GALR1: variants seen among roughly 807,000 people sequenced by gnomAD.
GALR1 encodes the protein galanin receptor 1, also known as galanin receptor type 1.
GALR1 carries 11 observed loss-of-function variants against 17.9 expected under a neutral mutation model. That is an observed-to-expected ratio of 0.62 (90% CI 0.39 to 1.02). The LOEUF (loss-of-function observed/expected upper bound fraction) is 1.02. Among genes scored for constraint, GALR1 ranks in the 50% least tolerant of loss-of-function variants. The pLI, the probability that GALR1 is intolerant of heterozygous loss-of-function variation, is 0.01. For missense variants in GALR1, 441 were observed against 456.9 expected (o/e 0.97, Z 0.32); for synonymous variants, 206 against 205.7 (o/e 1.00, Z -0.01).
chr18:77,251,223 C>G lies in GALR1; in HGVS notation c.666+9C>G, dbSNP rs754132811. 1 of 1,587,884 alleles carries G rather than the reference C, an allele frequency of 6.3e-7. No homozygotes were observed. Among genetic ancestry groups the G allele is most frequent in the East Asian group, 2.3e-5 (1 of 44,176 alleles). ...GCTTCTGCTATGCCAAGGTGCACGCCGGTCGCGGGGCCGAGACGCGCGAGG... is the reference window on the plus strand; with the variant it reads ...GCTTCTGCTATGCCAAGGTGCACGCGGGTCGCGGGGCCGAGACGCGCGAGG... On this transcript the variant is annotated intron_variant, in intron 1 of 2. Transcript: ENST00000299727.
At position 77,268,873 on chromosome 18, in the gene GALR1, C is replaced by G. The variant is rs113010483; in HGVS notation, c.1021C>G (p.Pro341Ala). The G allele has an allele frequency of 1.2e-6, 2 of 1,612,452 alleles. No homozygotes were observed. The highest frequency in any genetic ancestry group is 1.7e-6 in the Non-Finnish European group (2 of 1,178,660). Residue 341 changes from proline to alanine, a missense_variant, in exon 3 of 3, where the codon CCA becomes GCA. Pro to Ala is a conservative substitution (Grantham distance 27, BLOSUM62 -1). Coordinates refer to ENST00000299727, the MANE Select transcript of GALR1 (RefSeq NM_001480.4). ...TKESKSRIDT[P>A]PSTNCTHV The stretch of plus-strand genomic sequence containing the variant: ...AGAAAGTAAAAGTCGAATAGACACC[C>G]CACCATCAACCAATTGTACTCATGT...
At chr18:77,257,059 TC>T (rs1314892465) in intron 2 of GALR1, among the ~76,000 whole-genome samples, 1 of 152,234 alleles carries the variant, frequency 6.6e-6, no homozygotes, top group Non-Finnish European at 1.5e-5. Context: ...CCTTGTTTTT[TC>T]CTTATATTTA....
chr18:77,267,542 C>G (rs76347172), intron 2 of GALR1, among the ~76,000 whole-genome samples: 1 of 152,182 alleles, frequency 6.6e-6, no homozygotes, highest in Non-Finnish European at 1.5e-5. Flanking sequence ...GTGACCATCG[C>G]GGCACTAGAG....
At position 77,268,774 on chromosome 18, in the gene GALR1, G is replaced by A; in HGVS notation, c.922G>A (p.Glu308Lys). The A allele has an allele frequency of 9.3e-6, 15 of 1,614,070 alleles. No individual in the cohort carries two copies. The highest frequency in any genetic ancestry group is 1.3e-5 in the Non-Finnish European group (15 of 1,179,996). Residue 308 changes from glutamate to lysine, a missense_variant, in exon 3 of 3, where the codon GAA becomes AAA. Transcript: ENST00000299727. ...TCCTATCATTTATGCATTTCTCTCT[G>A]AAAATTTCAGGAAGGCCTATAAACA... ...VNPIIYAFLS[E>K]NFRKAYKQVF...
intron 2 of GALR1, among the ~76,000 whole-genome samples, chr18:77,258,799 GGTGGTGGTGGTCATA>G (rs1321745674): frequency 2.0e-4 from 28 of 140,112 alleles, no homozygotes; most frequent in Admixed American, 6.3e-4. Context: ...TGGTGGTGAT[GGTGGTGGTGGTCATA>G]GTGGTGGTGG....
chr18:77,253,256 AT>A (rs1912513347), intron 1 of GALR1, among the ~76,000 whole-genome samples: 1 of 152,136 alleles, frequency 6.6e-6, no homozygotes, highest in Non-Finnish European at 1.5e-5. Context: ...GTATTTTATT[AT>A]TTAAGGAAAA....
At chr18:77,258,609 GTGA>G (rs1253288007) in intron 2 of GALR1, among the ~76,000 whole-genome samples, 9 of 148,826 alleles carry the variant, frequency 6.0e-5, no homozygotes, top group South Asian at 2.3e-4. Flanking sequence ...GGTCATGGTG[GTGA>G]TGGTGGTGGT....
intron 1 of GALR1, among the ~76,000 whole-genome samples, chr18:77,254,800 G>C (rs1246925634): frequency 6.6e-6 from 1 of 152,198 alleles, no homozygotes. Flanking sequence ...TCAATGTATT[G>C]AGTGTTTTCC....
In GALR1 at chr18:77,271,161, G is replaced by A. The variant is rs1913053657; in HGVS notation, c.*2259G>A. On this transcript the variant is annotated 3_prime_UTR_variant, in exon 3 of 3. Transcript: ENST00000299727. ...TATTTTCTAGAGGCATGCCGAAAAT[G>A]TGCTGTGCCTTTGGTCCTTCCCAGA... 1 of 151,412 alleles carries A rather than the reference G, an allele frequency of 6.6e-6. No individual in the cohort carries two copies. The highest frequency in any genetic ancestry group is 2.4e-5 in the African/African-American group (1 of 41,222). The allele number at this position is 151,412 out of a possible 1,614,324, so 9.4% of individuals were successfully genotyped here.
chr18:77,268,645 A>ATCAT lies in GALR1; in HGVS notation c.794_797dup (p.Leu268ProfsTer5), dbSNP rs1568144733. ...TGGAATCTCCTGGCTGCCGCACCAC[A>ATCAT]TCATCCATCTCTGGGCTGAGTTTGG... On this transcript the variant is annotated frameshift_variant, in exon 3 of 3. Transcript: ENST00000299727. LOFTEE classifies it low-confidence loss of function (END_TRUNC). 6.2e-7 allele frequency: 1 copy of ATCAT among 1,613,860 alleles called. No homozygotes were observed. The highest frequency in any genetic ancestry group is 8.5e-7 in the Non-Finnish European group (1 of 1,179,974).
At chr18:77,251,659 C>A (rs1367244078) in intron 1 of GALR1, among the ~76,000 whole-genome samples, 2 of 152,150 alleles carry the variant, frequency 1.3e-5, no homozygotes, top group African/African-American at 4.8e-5. Context: ...CGCTGTGGGA[C>A]CTGAGGAGAG....
intron 2 of GALR1, 101 bp downstream of exon 2, chr18:77,256,324 A>C (rs912178227): frequency 6.3e-5 from 43 of 687,554 alleles, no homozygotes; most frequent in Admixed American, 1.5e-4. Flanking sequence ...TGTAACATTT[A>C]GGACCCTTGG....
At position 77,268,596 on chromosome 18, in the gene GALR1, A is replaced by T; in HGVS notation, c.744A>T (p.Thr248=). 6.2e-7 allele frequency: 1 copy of T among 1,613,188 alleles called. No individual in the cohort carries two copies. ...SEASKKKTAQ[T]VLVVVVVFGI... is the part of the protein sequence containing the mutation. ...TTCTTCTTTTCTAGACTGCACAGAC[A>T]GTTCTGGTGGTGGTTGTGGTGTTTG... The change falls in exon 3 of 3, where the codon ACA becomes ACT. Residue 248 remains threonine (T), a synonymous_variant. Transcript: ENST00000299727.
chr18:77,260,315 T>C (rs1333308437), intron 2 of GALR1, among the ~76,000 whole-genome samples: 2 of 152,076 alleles, frequency 1.3e-5, no homozygotes, highest in African/African-American at 4.8e-5. Flanking sequence ...ATAAGGGGAC[T>C]GGTCCCATTA....
chr18:77,250,762 C>A lies in GALR1; in HGVS notation c.214C>A (p.Leu72Met). 1 of 1,613,992 alleles carries A rather than the reference C, an allele frequency of 6.2e-7. No homozygotes were observed. Among genetic ancestry groups the A allele is most frequent in the Middle Eastern group, 1.6e-4 (1 of 6,062 alleles). ...GGGCAAGCCGCGGAGCACCACCAAC[C>A]TGTTCATCCTCAACCTGAGCATCGC... ...KPGKPRSTTN[L>M]FILNLSIADL... The change falls in exon 1 of 3, where the codon CTG (leucine) becomes ATG (methionine). Residue 72 changes from leucine (L) to methionine (M), a missense_variant. Coordinates refer to ENST00000299727, the MANE Select transcript of GALR1 (RefSeq NM_001480.4).
rs1262516135 is a variant in GALR1 at position 77,269,941 on chromosome 18, A to C, written c.*1039A>C. The C allele has an allele frequency of 1.3e-5, 2 of 152,238 alleles. No homozygotes were observed. Among genetic ancestry groups the C allele is most frequent in the African/African-American group, 2.4e-5 (1 of 41,460 alleles). 9.4% of individuals were successfully genotyped at this position (152,238 alleles called of 1,614,324 possible). ...ATATACCTGGGGTATCCTATCTTGT[A>C]CAAATGCATGCTTTTTCATTAAATT... On this transcript the variant is annotated 3_prime_UTR_variant, in exon 3 of 3. Transcript: ENST00000299727.
intron 2 of GALR1, among the ~76,000 whole-genome samples, chr18:77,257,928 A>C (rs1180672705): frequency 6.6e-6 from 1 of 152,240 alleles, no homozygotes; most frequent in East Asian, 1.9e-4. Context: ...AATGATTCAA[A>C]AGATTTTATG....
In GALR1 at chr18:77,250,977, C is replaced by T. The variant is rs1263429629; in HGVS notation, c.429C>T (p.Ser143=). Residue 143 remains serine, a synonymous_variant, in exon 1 of 3, where the codon TCC becomes TCT. Transcript: ENST00000299727. ...RYVAIVHSRR[S]SSLRVSRNAL... The stretch of plus-strand genomic sequence containing the variant: ...TGGCCATCGTGCACTCGCGGCGCTC[C>T]TCCTCCCTCAGGGTGTCCCGCAACG... The T allele has an allele frequency of 1.2e-6, 2 of 1,604,228 alleles. No homozygotes were observed. Among genetic ancestry groups the T allele is most frequent in the African/African-American group, 2.7e-5 (2 of 74,922 alleles).
intron 2 of GALR1, among the ~76,000 whole-genome samples, chr18:77,263,413 G>A (rs1283678543): frequency 6.6e-6 from 1 of 152,170 alleles, no homozygotes; most frequent in Non-Finnish European, 1.5e-5. Context: ...GATGAGGCAT[G>A]GTCTAGGAAT....
Sources: gnomAD v4.1 joint callset for allele counts (sites outside exome capture counted in the v4.1 genomes callset) on GRCh38, gnomAD v4.1.1 for gene constraint, MANE v1.5 for transcripts, NCBI Gene and HGNC (gene_info 2026-07-23, HGNC 2026-07-21) for gene names.